Variants in GPC6 observed in about 807,000 individuals in gnomAD.
The protein encoded by GPC6 is glypican-6.
A neutral mutation model predicts 55.2 loss-of-function variants in GPC6; 14 were observed. That is an observed-to-expected ratio of 0.25 (90% CI 0.17 to 0.40). The LOEUF is 0.40. GPC6 is among the 10% of genes least tolerant of loss of function. GPC6 has a pLI of 1.00. For missense variants in GPC6, 641 were observed against 708.5 expected (o/e 0.90, Z 1.08); for synonymous variants, 278 against 259.6 (o/e 1.07, Z -0.68).
At chr13:93,374,946 A>AT (rs1306520100) in intron 1 of GPC6, among the ~76,000 whole-genome samples, 11 of 152,042 alleles carry the variant, frequency 7.2e-5, no homozygotes, top group Non-Finnish European at 1.3e-4. Flanking sequence ...TTGGTCTTTG[A>AT]TTTTATCTCT....
At chr13:93,782,379 G>A (rs1359248216) in intron 2 of GPC6, among the ~76,000 whole-genome samples, 2 of 152,106 alleles carry the variant, frequency 1.3e-5, no homozygotes, top group Non-Finnish European at 2.9e-5. Context: ...TGCAAATAGT[G>A]CTGAAGTGAA....
intron 3 of GPC6, among the ~76,000 whole-genome samples, chr13:93,874,342 C>T (rs1045946853): frequency 6.6e-6 from 1 of 151,792 alleles, no homozygotes; most frequent in Admixed American, 6.6e-5. Flanking sequence ...AGACAACGGC[C>T]TCCAGCTCCA....
At chr13:93,378,950 A>G (rs1875038349) in intron 1 of GPC6, among the ~76,000 whole-genome samples, 2 of 151,464 alleles carry the variant, frequency 1.3e-5, no homozygotes, top group Admixed American at 1.3e-4. Flanking sequence ...AGCTGAGATC[A>G]TGCCATTGCA....
chr13:93,274,325 G>A (rs932342558), intron 1 of GPC6, among the ~76,000 whole-genome samples: 2 of 152,122 alleles, frequency 1.3e-5, no homozygotes, highest in Non-Finnish European at 2.9e-5. Context: ...GTCATTGGGG[G>A]AATGTGGTAG....
chr13:93,372,554 AT>A (rs1168683123), intron 1 of GPC6, among the ~76,000 whole-genome samples: 1 of 152,150 alleles, frequency 6.6e-6, no homozygotes, highest in Non-Finnish European at 1.5e-5. Context: ...ACTATTTTAG[AT>A]TCTTTCCAAT....
At chr13:94,363,180 A>G (rs1402317952) in intron 6 of GPC6, among the ~76,000 whole-genome samples, 1 of 152,148 alleles carries the variant, frequency 6.6e-6, no homozygotes, top group Non-Finnish European at 1.5e-5. Flanking sequence ...TTGCATGAGT[A>G]TCTTGTGAGA....
chr13:93,367,172 G>T (rs1467601525), intron 1 of GPC6, among the ~76,000 whole-genome samples: 1 of 152,082 alleles, frequency 6.6e-6, no homozygotes, highest in African/African-American at 2.4e-5. Flanking sequence ...AATACCTACT[G>T]TAAGAAAGAG....
intron 2 of GPC6, among the ~76,000 whole-genome samples, chr13:93,552,439 TCTCCTCCTC>T (rs71706553): frequency 0.059 from 8,838 of 150,952 alleles, 846 homozygotes; most frequent in African/African-American, 0.2. Flanking sequence ...GCCTTCCTTC[TCTCCTCCTC>T]CTCCTCCTCC....
intron 4 of GPC6, among the ~76,000 whole-genome samples, chr13:94,251,824 C>A (rs780828666): frequency 6.6e-6 from 1 of 151,578 alleles, no homozygotes; most frequent in Non-Finnish European, 1.5e-5. Context: ...CATGGATGTA[C>A]GTTTATCATT....
At chr13:93,634,693 G>A (rs1325706264) in intron 2 of GPC6, among the ~76,000 whole-genome samples, 1 of 152,184 alleles carries the variant, frequency 6.6e-6, no homozygotes, top group Non-Finnish European at 1.5e-5. Flanking sequence ...GAAGGAGAGG[G>A]AAGACACAGT....
intron 1 of GPC6, among the ~76,000 whole-genome samples, chr13:93,505,154 T>A (rs558011214): frequency 6.6e-6 from 1 of 152,322 alleles, no homozygotes; most frequent in Non-Finnish European, 1.5e-5. Context: ...GTTATGGTGA[T>A]ACAATTAATA....
At chr13:93,390,902 AC>A (rs1875605199) in intron 1 of GPC6, among the ~76,000 whole-genome samples, 2 of 151,422 alleles carry the variant, frequency 1.3e-5, no homozygotes, top group East Asian at 3.9e-4. Context: ...TTTTATATAA[AC>A]TCTGTGGAAA....
chr13:93,718,612 A>T (rs1370718173), intron 2 of GPC6, among the ~76,000 whole-genome samples: 1 of 152,040 alleles, frequency 6.6e-6, no homozygotes, highest in Non-Finnish European at 1.5e-5. Flanking sequence ...TAGTTTAATT[A>T]GATCCCACTT....
At position 93,269,623 on chromosome 13, in the gene GPC6, T is replaced by C. The variant is rs145305764; in HGVS notation, c.160+42007T>C. On this transcript the variant is annotated intron_variant, in intron 1 of 8. Transcript: ENST00000377047. ...TGCTAGAAGATCAACAGAAGCCAAC[T>C]GTATAGAAATATTTGTGGTAGGCCG... is the stretch of plus-strand genomic sequence containing the variant. Among the ~76,000 whole-genome samples the C allele has an allele frequency of 7.9e-5, 12 of 152,086 alleles. No individual in the cohort carries two copies. In the East Asian group the frequency reaches 2.3e-3, roughly 29 times the overall value.
chr13:93,322,959 T>C (rs960775251), intron 1 of GPC6, among the ~76,000 whole-genome samples: 7 of 151,860 alleles, frequency 4.6e-5, no homozygotes, highest in Non-Finnish European at 1.0e-4. Context: ...ACCCCCTTAG[T>C]CTTAGGGTCT....
At chr13:93,662,039 A>T (rs192962760) in intron 2 of GPC6, among the ~76,000 whole-genome samples, 18 of 152,240 alleles carry the variant, frequency 1.2e-4, no homozygotes, top group African/African-American at 4.3e-4. Flanking sequence ...TCAGAAAGAC[A>T]ACCTTGTATA....
At chr13:93,950,226 G>T (rs1351784487) in intron 3 of GPC6, among the ~76,000 whole-genome samples, 9 of 152,108 alleles carry the variant, frequency 5.9e-5, no homozygotes, top group African/African-American at 2.2e-4. Context: ...TAAGTGTCCA[G>T]ATTTCACTAA....
chr13:93,255,439 A>C (rs1178338273), intron 1 of GPC6, among the ~76,000 whole-genome samples: 1 of 152,102 alleles, frequency 6.6e-6, no homozygotes, highest in African/African-American at 2.4e-5. Flanking sequence ...TTTTTCTATC[A>C]CATTTCAGAT....
chr13:94,287,746 G>A (rs999470889), intron 5 of GPC6, among the ~76,000 whole-genome samples: 1 of 152,130 alleles, frequency 6.6e-6, no homozygotes, highest in East Asian at 1.9e-4. Flanking sequence ...GGAAAAAATA[G>A]CAATCATCCA....
Sources: gnomAD v4.1 joint callset for allele counts (sites outside exome capture counted in the v4.1 genomes callset) on GRCh38, gnomAD v4.1.1 for gene constraint, MANE v1.5 for transcripts, NCBI Gene and HGNC (gene_info 2026-07-23, HGNC 2026-07-21) for gene names.